Variants in HPGD observed in about 807,000 individuals in gnomAD.
HPGD encodes the protein 15-hydroxyprostaglandin dehydrogenase [NAD(+)].
HPGD carries 29 observed loss-of-function variants against 30.0 expected under a neutral mutation model. The observed-to-expected ratio is 0.97, with a 90% CI of 0.72 to 1.32. The LOEUF (loss-of-function observed/expected upper bound fraction) is 1.32, where lower values mean the gene tolerates loss of function less well. Among genes scored for constraint, HPGD ranks in the 40% most tolerant of loss-of-function variants. HPGD has a pLI of 0.00. For missense variants in HPGD, 340 were observed against 322.1 expected, an observed-to-expected ratio of 1.06 and a Z score of -0.43; for synonymous variants, 99 against 112.4, an observed-to-expected ratio of 0.88 and a Z score of 0.75.
intron 4 of HPGD, among the ~76,000 whole-genome samples, chr4:174,502,223 A>G: frequency 6.6e-6 from 1 of 152,244 alleles, no homozygotes; most frequent in East Asian, 1.9e-4. Context: ...ACTAGCAAGA[A>G]ATATTTATCT....
chr4:174,520,964 C>T (rs927573021), intron 2 of HPGD, among the ~76,000 whole-genome samples: 28 of 152,150 alleles, frequency 1.8e-4, no homozygotes, highest in Non-Finnish European at 1.5e-4. Flanking sequence ...CCTTCTAACA[C>T]GTCAGTTCAT....
chr4:174,498,935 T>C (rs1351835585), intron 4 of HPGD, among the ~76,000 whole-genome samples: 1 of 152,158 alleles, frequency 6.6e-6, no homozygotes, highest in East Asian at 1.9e-4. Flanking sequence ...TGATTTTAGT[T>C]GGGGGTGGAC....
chr4:174,505,274 A>T (rs1735126861), intron 4 of HPGD, among the ~76,000 whole-genome samples: 1 of 152,220 alleles, frequency 6.6e-6, no homozygotes, highest in South Asian at 2.1e-4. Flanking sequence ...CACGCTAGAG[A>T]TCATGAGGAT....
At chr4:174,503,741 G>A (rs1213853308) in intron 4 of HPGD, among the ~76,000 whole-genome samples, 1 of 148,998 alleles carries the variant, frequency 6.7e-6, no homozygotes, top group Non-Finnish European at 1.5e-5. Flanking sequence ...TTTCTTTTGA[G>A]AGACAAGGTC....
In HPGD at chr4:174,517,311, A is replaced by C. The variant is rs566711587; in HGVS notation, c.324+660T>G. Among the ~76,000 whole-genome samples, 5 of 152,098 alleles carry C rather than the reference A, an allele frequency of 3.3e-5. No individual in the cohort carries two copies. In the South Asian group the frequency reaches 8.3e-4, roughly 25 times the overall value. On this transcript the variant is annotated intron_variant, in intron 3 of 6. Coordinates refer to ENST00000296522, the MANE Select transcript of HPGD (RefSeq NM_000860.6). ...ACACACACACGAACCACGAACTTTC[A>C]GGATAAAAAGTCCTACTAATTACAA...
intron 3 of HPGD, among the ~76,000 whole-genome samples, chr4:174,510,965 G>A (rs1048254298): frequency 1.3e-5 from 2 of 152,088 alleles, no homozygotes; most frequent in African/African-American, 4.8e-5. Context: ...TTGATGCTCT[G>A]GAAGGGAAGT....
chr4:174,504,385 G>C (rs1196922073), intron 4 of HPGD, among the ~76,000 whole-genome samples: 1 of 152,178 alleles, frequency 6.6e-6, no homozygotes, highest in East Asian at 1.9e-4. Flanking sequence ...GACCCTCATG[G>C]TATCTCTCAC....
At chr4:174,519,223 T>C (rs1463622159) in intron 2 of HPGD, among the ~76,000 whole-genome samples, 2 of 151,806 alleles carry the variant, frequency 1.3e-5, no homozygotes, top group Non-Finnish European at 2.9e-5. Context: ...CATGGATTTT[T>C]TTTTTTTTGA....
rs1306950472 is a variant in HPGD, at chr4:174,490,770, G to A, written c.*1186C>T. Reference sequence around the variant, plus strand: ...GGAAAGATTTGGCTTCAAGCTGGGAGGTCTGGAGTTAGCAGACAGGATGAG... The same window carrying A: ...GGAAAGATTTGGCTTCAAGCTGGGAAGTCTGGAGTTAGCAGACAGGATGAG... On this transcript the variant is annotated 3_prime_UTR_variant, in exon 7 of 7. Coordinates refer to ENST00000296522, the MANE Select transcript of HPGD (RefSeq NM_000860.6). This position sits in a 1 kb window ranked among gnomAD's most constrained non-coding sequence, Gnocchi z 4.4. 6.6e-6 allele frequency: 1 copy of A among 152,266 alleles called. No individual in the cohort carries two copies. Among genetic ancestry groups the A allele is most frequent in the Non-Finnish European group, 1.5e-5 (1 of 68,000 alleles). The allele number at this position is 152,266 out of a possible 1,614,324, so 9.4% of individuals were successfully genotyped here.
chr4:174,521,969 A>G lies in HPGD; in HGVS notation c.192T>C (p.Asp64=), dbSNP rs1307837933. 1 of 1,614,096 alleles carries G rather than the reference A, an allele frequency of 6.2e-7. No homozygotes were observed. The highest frequency in any genetic ancestry group is 1.3e-5 in the African/African-American group (1 of 74,944). Residue 64 remains aspartate, a synonymous_variant, in exon 2 of 7, where the codon GAT becomes GAC. Coordinates refer to ENST00000296522, the MANE Select transcript of HPGD (RefSeq NM_000860.6). ...EPQKTLFIQC[D]VADQQQLRDT... is the part of the protein sequence containing the mutation. Reference sequence around the variant, plus strand: ...CTCTCAGTTGTTGCTGGTCAGCCACATCGCACTGGATGAACAGAGTCTTCT... The same window carrying G: ...CTCTCAGTTGTTGCTGGTCAGCCACGTCGCACTGGATGAACAGAGTCTTCT...
chr4:174,508,024 G>A (rs1579289179), intron 4 of HPGD: 1 of 664,106 alleles, frequency 1.5e-6, no homozygotes, highest in Non-Finnish European at 2.8e-6. Flanking sequence ...ACTGGGCTGG[G>A]GTTCTTAAAA....
At chr4:174,519,730 T>G (rs1364850463) in intron 2 of HPGD, among the ~76,000 whole-genome samples, 23 of 152,134 alleles carry the variant, frequency 1.5e-4, no homozygotes, top group Admixed American at 1.4e-3. Context: ...CCCTTTTTCC[T>G]TTACCTACCC....
At chr4:174,504,515 A>G (rs1735077006) in intron 4 of HPGD, among the ~76,000 whole-genome samples, 1 of 152,040 alleles carries the variant, frequency 6.6e-6, no homozygotes, top group African/African-American at 2.4e-5. Flanking sequence ...CCTTTCCCAC[A>G]ATCTGAAGCA....
intron 3 of HPGD, among the ~76,000 whole-genome samples, chr4:174,515,698 G>A (rs1161199890): frequency 6.6e-6 from 1 of 151,924 alleles, no homozygotes; most frequent in Non-Finnish European, 1.5e-5. Context: ...CTACAGAACT[G>A]GAGAAAATAT....
chr4:174,497,656 C>T (rs1291496354), intron 4 of HPGD, among the ~76,000 whole-genome samples: 1 of 124,384 alleles, frequency 8.0e-6, no homozygotes. Context: ...CTGTTCACTT[C>T]AACTTCTGCC....
chr4:174,490,505 T>C lies in HPGD; in HGVS notation c.*1451A>G, dbSNP rs1454982628. On this transcript the variant is annotated 3_prime_UTR_variant, in exon 7 of 7. Coordinates refer to ENST00000296522, the MANE Select transcript of HPGD (RefSeq NM_000860.6). The surrounding 1 kb of genome is among the most constrained non-coding windows in gnomAD (Gnocchi z 4.4). The stretch of plus-strand genomic sequence containing the variant: ...TACTGGGCAAACCGACATCATTTAC[T>C]GATTAGTCACTGCCAGAACATACAA... 1 of 152,370 alleles carries C rather than the reference T, an allele frequency of 6.6e-6. No individual in the cohort carries two copies. The highest frequency in any genetic ancestry group is 2.4e-5 in the African/African-American group (1 of 41,462). 9.4% of individuals were successfully genotyped at this position (152,370 alleles called of 1,614,324 possible). A position where few individuals can be genotyped will look rare whatever the true frequency, so the allele number is the denominator to read the frequency against.
At chr4:174,520,547 C>G (rs976469885) in intron 2 of HPGD, among the ~76,000 whole-genome samples, 2 of 152,196 alleles carry the variant, frequency 1.3e-5, no homozygotes, top group Non-Finnish European at 1.5e-5. Context: ...ACATGCCTTC[C>G]CGGGTCACTT....
At chr4:174,509,561 G>A (rs1435187473) in intron 3 of HPGD, among the ~76,000 whole-genome samples, 1 of 152,116 alleles carries the variant, frequency 6.6e-6, no homozygotes, top group African/African-American at 2.4e-5. Context: ...TGGTTACATT[G>A]CCTGCTTTAT....
At chr4:174,510,085 A>G (rs1735402768) in intron 3 of HPGD, among the ~76,000 whole-genome samples, 1 of 152,188 alleles carries the variant, frequency 6.6e-6, no homozygotes, top group African/African-American at 2.4e-5. Flanking sequence ...TGCAAAGAAA[A>G]CGATACAATA....
Sources: gnomAD v4.1 joint callset for allele counts (sites outside exome capture counted in the v4.1 genomes callset) on GRCh38, gnomAD v4.1.1 for gene constraint, Gnocchi (gnomAD v3.1) non-coding constraint, MANE v1.5 for transcripts, NCBI Gene and HGNC (gene_info 2026-07-23, HGNC 2026-07-21) for gene names.